The following SUCO variants were observed in gnomAD, a reference collection of about 807,000 sequenced individuals.
The protein encoded by SUCO is SUN domain-containing ossification factor.
SUCO carries 57 observed loss-of-function variants against 148.1 expected under a neutral mutation model. The observed-to-expected ratio is 0.38, with a 90% CI of 0.31 to 0.48. The LOEUF (loss-of-function observed/expected upper bound fraction) is 0.48, where lower values mean the gene tolerates loss of function less well. SUCO is among the 20% of genes least tolerant of loss of function. The probability of loss-of-function intolerance (pLI) is 0.96; values close to 1 mark genes in which losing one functional copy is unlikely to be tolerated. For synonymous variants in SUCO, 470 were observed against 502.7 expected, an observed-to-expected ratio of 0.93 and a Z score of 0.87; for missense variants, 1,331 against 1,468.2, an observed-to-expected ratio of 0.91 and a Z score of 1.53.
At chr1:172,566,876 G>A (rs1654593631) in intron 6 of SUCO, among the ~76,000 whole-genome samples, 1 of 152,192 alleles carries the variant, frequency 6.6e-6, no homozygotes, top group Non-Finnish European at 1.5e-5. Context: ...CGGTGTCAGA[G>A]CCCTGCCTCC....
chr1:172,533,646 C>A, intron 1 of SUCO, 149 bp downstream of exon 1: 1 of 1,044,780 alleles, frequency 9.6e-7, no homozygotes, highest in Non-Finnish European at 1.4e-6. Flanking sequence ...CTCGACTCTC[C>A]ATCTGACTGG....
upstream of SUCO, chr1:172,532,535 T>G: frequency 3.1e-6 from 5 of 1,613,786 alleles, no homozygotes; most frequent in Non-Finnish European, 4.2e-6. Context: ...AATGGGGCAG[T>G]CCATTGCCAC....
chr1:172,557,586 A>G (rs1653842552), intron 5 of SUCO, 58 bp from the exon 6 acceptor site: 1 of 1,494,230 alleles, frequency 6.7e-7, no homozygotes, highest in African/African-American at 1.4e-5. Context: ...TTTAGATTGT[A>G]TAGAATTTGT....
In SUCO at chr1:172,602,731, G is replaced by T. The variant is rs1657611612; in HGVS notation, c.3209G>T (p.Arg1070Ile). ...FSSYDDMNLKRRTSFPLMRSK... is the reference protein window; with the variant it reads ...FSSYDDMNLKIRTSFPLMRSK... ...TCCTATGATGATATGAATTTGAAAA[G>T]AAGAACTTCATTCCCACTCATGAGA... The change falls in exon 22 of 24, where the codon AGA (arginine) becomes ATA (isoleucine). Residue 1070 changes from arginine to isoleucine, a missense_variant. Around this residue, in one of 3 missense-constraint regions of SUCO, gnomAD observed 334 missense variants for 352.3 expected, o/e 0.95. Transcript: ENST00000263688. 6.2e-7 allele frequency: 1 copy of T among 1,612,980 alleles called. No homozygotes were observed. Among genetic ancestry groups the T allele is most frequent in the Admixed American group, 1.7e-5 (1 of 59,950 alleles).
chr1:172,605,431 G>A (rs986592476), intron 22 of SUCO, among the ~76,000 whole-genome samples: 1 of 151,636 alleles, frequency 6.6e-6, no homozygotes, highest in Non-Finnish European at 1.5e-5. Context: ...TTTTCCCATT[G>A]AGTGGTCTTT....
chr1:172,556,291 G>A (rs1469302315), intron 4 of SUCO, among the ~76,000 whole-genome samples: 1 of 152,164 alleles, frequency 6.6e-6, no homozygotes, highest in African/African-American at 2.4e-5. Context: ...TCTGAGCAAA[G>A]TAAGGTTCTA....
intron 7 of SUCO, 89 bp from the exon 8 acceptor site, chr1:172,569,958 T>C: frequency 8.5e-7 from 1 of 1,176,216 alleles, no homozygotes; most frequent in Non-Finnish European, 1.1e-6. Flanking sequence ...AGACAGCTTA[T>C]TGCTTTGGAG....
chr1:172,558,222 A>G (rs914355140), intron 6 of SUCO, among the ~76,000 whole-genome samples: 3 of 152,254 alleles, frequency 2.0e-5, no homozygotes, highest in Middle Eastern at 3.4e-3. Context: ...TTTACCTTTC[A>G]TTATTTGTGT....
In SUCO at chr1:172,564,446, T is replaced by G. The variant is rs116517685; in HGVS notation, c.733-4573T>G. On this transcript the variant is annotated intron_variant, in intron 6 of 23. Transcript: ENST00000263688. Reference sequence around the variant, plus strand: ...TGAGTTCTTGCGTGATCTGGTTGTTTAAAAGTGTGTTGCACTTCCCCCTTC... The same window carrying G: ...TGAGTTCTTGCGTGATCTGGTTGTTGAAAAGTGTGTTGCACTTCCCCCTTC... Among the ~76,000 whole-genome samples, 514 of 152,296 alleles carry G rather than the reference T, an allele frequency of 3.4e-3. 4 individuals are homozygous for G. Among genetic ancestry groups the G allele is most frequent in the African/African-American group, 0.012 (483 of 41,558 alleles).
At chr1:172,562,327 A>ATTTTTTTTTTTTTTTTT (rs34871543) in intron 6 of SUCO, among the ~76,000 whole-genome samples, 2 of 137,706 alleles carry the variant, frequency 1.5e-5, no homozygotes. Context: ...GGGTTTTAAC[A>ATTTTTTTTTTTTTTTTT]TTTTTTTTTT....
intron 15 of SUCO, among the ~76,000 whole-genome samples, chr1:172,582,668 T>TTA (rs1655957651): frequency 6.6e-6 from 1 of 152,140 alleles, no homozygotes; most frequent in Non-Finnish European, 1.5e-5. Context: ...TATCATGTGT[T>TTA]TAGATACAAA....
upstream of SUCO, chr1:172,532,475 G>T: frequency 1.2e-6 from 2 of 1,611,492 alleles, no homozygotes; most frequent in South Asian, 1.1e-5. Flanking sequence ...CCAATCAGAT[G>T]AGAGGATTCT....
intron 4 of SUCO, chr1:172,556,596 C>T (rs2149233153): frequency 2.0e-6 from 2 of 983,962 alleles, no homozygotes; most frequent in Middle Eastern, 5.2e-4. Context: ...AATGAGTTGA[C>T]ATAAATAAAG....
intron 23 of SUCO, 83 bp downstream of exon 23, chr1:172,608,885 T>A: frequency 2.3e-6 from 2 of 886,052 alleles, no homozygotes; most frequent in Non-Finnish European, 3.6e-6. Flanking sequence ...TTAAGGTAAT[T>A]ACCTTTAAGT....
At chr1:172,532,450 G>A, upstream of SUCO, 6 of 1,575,204 alleles carry the variant, frequency 3.8e-6, no homozygotes, top group Non-Finnish European at 5.2e-6. Context: ...AAAAGCGAAA[G>A]GTTTTCCGCT....
At chr1:172,570,295 A>G (rs559815177) in intron 8 of SUCO, 124 bp downstream of exon 8, 6 of 553,632 alleles carry the variant, frequency 1.1e-5, no homozygotes, top group Non-Finnish European at 1.8e-5. Context: ...TAATAAAAGC[A>G]GAATATACTT....
chr1:172,595,225 G>A (rs1236889251), intron 19 of SUCO, among the ~76,000 whole-genome samples: 1 of 151,964 alleles, frequency 6.6e-6, no homozygotes, highest in Non-Finnish European at 1.5e-5. Flanking sequence ...GATGGGTCTT[G>A]ACTATCCAAT....
intron 20 of SUCO, 178 bp from the exon 21 acceptor site, chr1:172,601,886 A>G: frequency 4.5e-6 from 1 of 220,376 alleles, no homozygotes; most frequent in Non-Finnish European, 7.7e-6. Flanking sequence ...GGAATGCTGC[A>G]AAGAATTTTT....
At position 172,578,368 on chromosome 1, in the gene SUCO, G is replaced by A. The variant is rs1655615615; in HGVS notation, c.1411G>A (p.Glu471Lys). The A allele has an allele frequency of 5.6e-6, 9 of 1,612,220 alleles. No individual in the cohort carries two copies. The highest frequency in any genetic ancestry group is 5.9e-6 in the Non-Finnish European group (7 of 1,178,616). The change falls in exon 14 of 24, where the codon GAA (glutamate) becomes AAA (lysine). Residue 471 changes from glutamate to lysine, a missense_variant. By Grantham distance (56) the Glu-to-Lys change is moderately conservative. Transcript: ENST00000263688. ...ADSQYHSERQELFDEDYDYPL... is the reference protein window; with the variant it reads ...ADSQYHSERQKLFDEDYDYPL... The stretch of plus-strand genomic sequence containing the variant: ...TTCCCAGTATCACTCAGAACGCCAG[G>A]AACTATTTGATGAGGACTATGGTAA...
Sources: gnomAD v4.1 joint callset for allele counts (sites outside exome capture counted in the v4.1 genomes callset) on GRCh38, gnomAD v4.1.1 for gene constraint, gnomAD v4.1.1 regional missense constraint, MANE v1.5 for transcripts, NCBI Gene and HGNC (gene_info 2026-07-23, HGNC 2026-07-21) for gene names.